MYLK: variants seen among roughly 807,000 people sequenced by gnomAD.
The protein encoded by MYLK is myosin light chain kinase, smooth muscle.
A neutral mutation model predicts 203.4 loss-of-function variants in MYLK; 106 were observed. That is an observed-to-expected ratio of 0.52 (90% CI 0.45 to 0.61). The LOEUF (loss-of-function observed/expected upper bound fraction) is 0.61, where lower values mean the gene tolerates loss of function less well. Ranked by LOEUF, MYLK falls within the 20% of genes least tolerant of loss-of-function variation. The pLI is 0.00. For synonymous variants in MYLK, 867 were observed against 959.5 expected (o/e 0.90, Z 1.78); for missense variants, 2,072 against 2,442.3 (o/e 0.85, Z 3.20).
chr3:123,847,438 T>C (rs2030163553), intron 2 of MYLK, among the ~76,000 whole-genome samples: 1 of 152,152 alleles, frequency 6.6e-6, no homozygotes, highest in East Asian at 1.9e-4. Context: ...GAACCTCCTG[T>C]ACAATGCTGA....
At chr3:123,796,852 A>G (rs1393502487) in intron 3 of MYLK, among the ~76,000 whole-genome samples, 2 of 152,210 alleles carry the variant, frequency 1.3e-5, no homozygotes, top group Non-Finnish European at 2.9e-5. Flanking sequence ...CTGGAAAGCA[A>G]TTTGGTAAAA....
At chr3:123,740,780 C>T (rs1226886640) in intron 5 of MYLK, among the ~76,000 whole-genome samples, 1 of 152,198 alleles carries the variant, frequency 6.6e-6, no homozygotes, top group African/African-American at 2.4e-5. Context: ...CCAGTCGGTC[C>T]TAGGTGAGAT....
At chr3:123,831,701 C>A in intron 2 of MYLK, 31 bp from the exon 3 acceptor site, 1 of 248,876 alleles carries the variant, frequency 4.0e-6, no homozygotes, top group Non-Finnish European at 8.3e-6. Context: ...AAAGGAAAGC[C>A]AAATCAGAGA....
chr3:123,674,313 C>A (rs2060007548), intron 20 of MYLK, among the ~76,000 whole-genome samples: 6 of 152,188 alleles, frequency 3.9e-5, no homozygotes. Context: ...AACTGCATCA[C>A]CTCCTAGGCT....
At chr3:123,647,544 G>T in intron 26 of MYLK, 117 bp from the exon 27 acceptor site, 1 of 867,148 alleles carries the variant, frequency 1.2e-6, no homozygotes, top group African/African-American at 1.7e-5. Context: ...TATAAGTAAG[G>T]TGTTACTGGA....
chr3:123,730,052 C>A (rs1042566203), intron 11 of MYLK, among the ~76,000 whole-genome samples: 1 of 151,960 alleles, frequency 6.6e-6, no homozygotes, highest in African/African-American at 2.4e-5. Context: ...CATAGTGAGA[C>A]CTCCATCTCT....
At chr3:123,619,483 G>A (rs2057722434) in intron 32 of MYLK, among the ~76,000 whole-genome samples, 2 of 152,140 alleles carry the variant, frequency 1.3e-5, no homozygotes, top group Admixed American at 1.3e-4. Context: ...GCTCACCAAG[G>A]GAATCTAAAC....
chr3:123,653,919 G>A (rs1038553190), intron 24 of MYLK, among the ~76,000 whole-genome samples: 5 of 151,808 alleles, frequency 3.3e-5, no homozygotes, highest in African/African-American at 9.7e-5. Context: ...ACCACAGACT[G>A]GAACTTGATT....
At chr3:123,767,287 C>T (rs772084174) in intron 4 of MYLK, among the ~76,000 whole-genome samples, 34 of 152,166 alleles carry the variant, frequency 2.2e-4, no homozygotes, top group Non-Finnish European at 1.9e-4. Context: ...TCAGGCGCAG[C>T]GCAACTCATT....
chr3:123,833,505 T>C (rs1255122212), intron 2 of MYLK, among the ~76,000 whole-genome samples: 1 of 120,460 alleles, frequency 8.3e-6, no homozygotes, highest in Non-Finnish European at 1.7e-5. Flanking sequence ...CTGCTCTCCC[T>C]ATCCTCAGTT....
At chr3:123,877,778 T>C (rs36086638) in intron 1 of MYLK, among the ~76,000 whole-genome samples, 2,264 of 152,270 alleles carry the variant, frequency 0.015, 30 homozygotes, top group Non-Finnish European at 0.024. Flanking sequence ...ATTACGAAAA[T>C]GATCACCCTG....
At chr3:123,851,875 G>A (rs1275618701) in intron 2 of MYLK, among the ~76,000 whole-genome samples, 4 of 152,150 alleles carry the variant, frequency 2.6e-5, no homozygotes, top group African/African-American at 9.7e-5. Context: ...GATATTGGCT[G>A]TGGGTTTGTC....
intron 31 of MYLK, chr3:123,621,391 C>A (rs938371333): frequency 6.6e-6 from 1 of 152,108 alleles, no homozygotes; most frequent in Non-Finnish European, 1.5e-5. Context: ...ACTTGTCCTC[C>A]CTGAGAGAGG....
chr3:123,688,401 C>T (rs558760707), intron 19 of MYLK, among the ~76,000 whole-genome samples: 2 of 152,256 alleles, frequency 1.3e-5, no homozygotes, highest in East Asian at 1.9e-4. Flanking sequence ...TTCTCTCTCT[C>T]TCCATACCCA....
intron 4 of MYLK, among the ~76,000 whole-genome samples, chr3:123,790,749 T>G (rs1226581801): frequency 6.6e-6 from 1 of 152,208 alleles, no homozygotes; most frequent in Non-Finnish European, 1.5e-5. Flanking sequence ...GAAATAAATC[T>G]TTAGAACTTT....
chr3:123,813,945 A>T (rs2065651809), intron 3 of MYLK: 1 of 153,652 alleles, frequency 6.5e-6, no homozygotes, highest in African/African-American at 2.4e-5. Context: ...TGAGAATGGA[A>T]AGGGCTCTTT....
intron 19 of MYLK, among the ~76,000 whole-genome samples, chr3:123,690,504 G>A (rs1284244074): frequency 1.3e-5 from 2 of 152,128 alleles, no homozygotes; most frequent in African/African-American, 2.4e-5. Flanking sequence ...CAGAATGAGG[G>A]CAGGAGATGT....
rs770709606 is a variant in MYLK at position 123,726,080 on chromosome 3, T to C, written c.1517-2A>G. 1.5e-5 allele frequency: 24 copies of C among 1,613,996 alleles called. No homozygotes were observed. The highest frequency in any genetic ancestry group is 2.0e-5 in the Non-Finnish European group (24 of 1,180,014). ...GGGCCACCTCCATCACGGCAAGCCC[T>C]GTGAGGGAAAAGGACAGGTCAGCTC... On this transcript the variant is annotated splice_acceptor_variant, in intron 11 of 33. Transcript: ENST00000360304. LOFTEE classifies it high-confidence loss of function.
rs1396038520 is a variant in MYLK, at chr3:123,674,302, C to T, written c.3653-7115G>A. Among the ~76,000 whole-genome samples the T allele has an allele frequency of 2.6e-5, 4 of 152,274 alleles. No individual in the cohort carries two copies. In the East Asian group the frequency reaches 7.7e-4, roughly 29 times the overall value. ...CTTCCCACCATCAGCATTGTAGTCCCAACTGCATCACCTCCTAGGCTTCTG... is the reference window on the plus strand; with the variant it reads ...CTTCCCACCATCAGCATTGTAGTCCTAACTGCATCACCTCCTAGGCTTCTG... On this transcript the variant is annotated intron_variant, in intron 20 of 33. Coordinates refer to ENST00000360304, the MANE Select transcript of MYLK (RefSeq NM_053025.4).
Sources: gnomAD v4.1 joint callset for allele counts (sites outside exome capture counted in the v4.1 genomes callset) on GRCh38, gnomAD v4.1.1 for gene constraint, MANE v1.5 for transcripts, NCBI Gene and HGNC (gene_info 2026-07-23, HGNC 2026-07-21) for gene names.